Variants in COL11A2 observed in about 807,000 individuals in gnomAD.
COL11A2 encodes collagen alpha-2(XI) chain.
In COL11A2, 116 loss-of-function variants were observed where a neutral mutation model predicts 273.4. That is an observed-to-expected ratio of 0.42 (90% confidence interval 0.36 to 0.49). COL11A2 has a LOEUF of 0.49. COL11A2 is among the 20% of genes least tolerant of loss of function. The probability of loss-of-function intolerance (pLI) is 0.00; values close to 1 mark genes in which losing one functional copy is unlikely to be tolerated. For synonymous variants in COL11A2, 782 were observed against 864.2 expected, an observed-to-expected ratio of 0.90 and a Z score of 1.67; for missense variants, 1,866 against 2,309.0, an observed-to-expected ratio of 0.81 and a Z score of 3.93.
chr6:33,173,724 G>T lies in COL11A2; in HGVS notation c.2605C>A (p.Pro869Thr). 1 of 1,580,386 alleles carries T rather than the reference G, an allele frequency of 6.3e-7. No homozygotes were observed. The highest frequency in any genetic ancestry group is 8.6e-7 in the Non-Finnish European group (1 of 1,161,704). ...ACCCTCTCTCCAGGGGGCCCATGGGGGCCATCACCACCAGATGTTCCCTGT... is the reference window on the plus strand; with the variant it reads ...ACCCTCTCTCCAGGGGGCCCATGGGTGCCATCACCACCAGATGTTCCCTGT... Reference protein sequence around the residue: ...GAKGTSGGDGPHGPPGERGLP... With the variant: ...GAKGTSGGDGTHGPPGERGLP... The change falls in exon 35 of 66, where the codon CCC becomes ACC. Residue 869 changes from proline to threonine, a missense_variant. Pro to Thr is a conservative substitution (Grantham distance 38). Transcript: ENST00000341947. The surrounding 1 kb of genome is among the most constrained non-coding windows in gnomAD (Gnocchi z 6.3).
chr6:33,167,695 C>T lies in COL11A2; in HGVS notation c.4014+104G>A, dbSNP rs1240742204. On this transcript the variant is annotated intron_variant, in intron 55 of 65. Transcript: ENST00000341947. This position sits in a 1 kb window ranked among gnomAD's most constrained non-coding sequence, Gnocchi z 6.1. ...AGGGAACGCCTGTCCCCATAAGGGC[C>T]CAACATGGGAGAGGTGGAGATGGGG... 9.9e-6 allele frequency: 15 copies of T among 1,514,738 alleles called. No homozygotes were observed. Among genetic ancestry groups the T allele is most frequent in the African/African-American group, 1.4e-5 (1 of 73,104 alleles). 93.8% of individuals were successfully genotyped at this position (1,514,738 alleles called of 1,614,324 possible). A position where few individuals can be genotyped will look rare whatever the true frequency, so the allele number is the denominator to read the frequency against.
chr6:33,189,279 C>T lies in COL11A2; in HGVS notation c.232+41G>A. The T allele has an allele frequency of 1.9e-6, 3 of 1,614,042 alleles. No individual in the cohort carries two copies. The African/African-American group carries it at 4.0e-5, about 22-fold the overall frequency. ...TGGTGTCTGATCCTAGGCCCCATCCCATTACCTCCCCCCAGGCCTACCCCA... is the reference window on the plus strand; with the variant it reads ...TGGTGTCTGATCCTAGGCCCCATCCTATTACCTCCCCCCAGGCCTACCCCA... On this transcript the variant is annotated intron_variant, in intron 2 of 65. Transcript: ENST00000341947. This position sits in a 1 kb window ranked among gnomAD's most constrained non-coding sequence, Gnocchi z 5.6.
Position 33,188,441 on chromosome 6 carries a change from G to A in COL11A2, c.527C>T (p.Pro176Leu). The A allele has an allele frequency of 1.9e-6, 3 of 1,613,044 alleles. No individual in the cohort carries two copies. Among genetic ancestry groups the A allele is most frequent in the East Asian group, 2.2e-5 (1 of 44,882 alleles). Residue 176 changes from proline (P) to leucine (L), a missense_variant, in exon 4 of 66, where the codon CCC (proline) becomes CTC (leucine). Coordinates refer to ENST00000341947, the MANE Select transcript of COL11A2 (RefSeq NM_080680.3). ...GTCCAATACTGGACGAGCACTTCGG[G>A]GGAGAGGCCGGGTGACTCGCTTCTT... The part of the protein sequence containing the change: ...DCKKRVTRPL[P>L]RSARPVLDTH...
At chr6:33,168,794 CA>C in intron 52 of COL11A2, 35 bp from the exon 53 acceptor site, 1 of 1,598,290 alleles carries the variant, frequency 6.3e-7, no homozygotes, top group Non-Finnish European at 8.5e-7. Context: ...GGTGGGCCCC[CA>C]ACCTGGCTGG....
rs1210785282 is a variant in COL11A2 at position 33,185,898 on chromosome 6, A to G, written c.799-120T>C. On this transcript the variant is annotated intron_variant, in intron 5 of 65. Coordinates refer to ENST00000341947, the MANE Select transcript of COL11A2 (RefSeq NM_080680.3). ...GAGTTGGGAAACGGGGGAGGTGTGG[A>G]GTTGGGAAACAGAGAGTTGAAGATG... 5 of 415,566 alleles carry G rather than the reference A, an allele frequency of 1.2e-5. No homozygotes were observed. In the Admixed American group the frequency reaches 1.3e-4, roughly 11 times the overall value. 25.7% of individuals were successfully genotyped at this position (415,566 alleles called of 1,614,324 possible).
rs748411665 is a variant in COL11A2, at chr6:33,165,358, C to T, written c.4750+191G>A. 9.2e-5 allele frequency among the ~76,000 whole-genome samples: 14 copies of T among 152,186 alleles called. No homozygotes were observed. The highest frequency in any genetic ancestry group is 1.9e-4 in the Non-Finnish European group (13 of 68,016). On this transcript the variant is annotated intron_variant, in intron 63 of 65. Transcript: ENST00000341947. The surrounding 1 kb of genome is among the most constrained non-coding windows in gnomAD (Gnocchi z 7.7). ...ACACTGGGCTGATAACCAACTGGTA[C>T]ACACTGACCCAGATCAGTTGCTAAA... is the stretch of plus-strand genomic sequence containing the variant.
rs201981435 is a variant in COL11A2 at position 33,180,965 on chromosome 6, G to A, written c.1220C>T (p.Ala407Val). The change falls in exon 10 of 66, where the codon GCG becomes GTG. Residue 407 changes from alanine (A) to valine (V), a missense_variant and splice_region_variant. Coordinates refer to ENST00000341947, the MANE Select transcript of COL11A2 (RefSeq NM_080680.3). ...CCACCAGGTCACTGCTAGACTTACCGCAGGGCCTTCTGGGCCAGGGGGCCC... is the reference window on the plus strand; with the variant it reads ...CCACCAGGTCACTGCTAGACTTACCACAGGGCCTTCTGGGCCAGGGGGCCC... ...VEGPPGPEGP[A>V]GLIGPPGIQG... 91 of 1,613,848 alleles carry A rather than the reference G, an allele frequency of 5.6e-5. No homozygotes were observed. The highest frequency in any genetic ancestry group is 3.1e-4 in the African/African-American group (23 of 74,916).
chr6:33,184,967 G>A (rs1408827964), intron 7 of COL11A2, 25 bp downstream of exon 7: 1 of 1,546,662 alleles, frequency 6.5e-7, no homozygotes, highest in Non-Finnish European at 8.8e-7. Context: ...CCCCCAGATG[G>A]GGTGAGGGTG....
At position 33,177,978 on chromosome 6, in the gene COL11A2, C is replaced by T; in HGVS notation, c.1872+154G>A. 1 of 893,066 alleles carries T rather than the reference C, an allele frequency of 1.1e-6. No homozygotes were observed. The highest frequency in any genetic ancestry group is 1.7e-6 in the Non-Finnish European group (1 of 572,878). 55.3% of individuals were successfully genotyped at this position (893,066 alleles called of 1,614,324 possible). ...CCTCCCTGTGCACGGGGAGCGAATG[C>T]TGAGGCAGGGCAGTGTGGGGCCAGA... On this transcript the variant is annotated intron_variant, in intron 21 of 65. Coordinates refer to ENST00000341947, the MANE Select transcript of COL11A2 (RefSeq NM_080680.3). The surrounding 1 kb of genome is among the most constrained non-coding windows in gnomAD (Gnocchi z 5.9).
In COL11A2 at chr6:33,166,657, ACTCCACCCCT is replaced by A; in HGVS notation, c.4338+53_4338+62del. The A allele has an allele frequency of 6.2e-7, 1 of 1,610,318 alleles. No individual in the cohort carries two copies. The highest frequency in any genetic ancestry group is 8.5e-7 in the Non-Finnish European group (1 of 1,177,494). On this transcript the variant is annotated intron_variant, in intron 59 of 65. Transcript: ENST00000341947. This position sits in a 1 kb window ranked among gnomAD's most constrained non-coding sequence, Gnocchi z 4.8. ...TACCCACAGCTGAGTCCCAACTCCA[ACTCCACCCCT>A]CTCCACCCCACTCTCAACCCCCACA...
At position 33,179,424 on chromosome 6, in the gene COL11A2, C is replaced by T; in HGVS notation, c.1503+7G>A. The T allele has an allele frequency of 6.4e-7, 1 of 1,569,722 alleles. No homozygotes were observed. The highest frequency in any genetic ancestry group is 8.6e-7 in the Non-Finnish European group (1 of 1,157,550). ...GCATCCTCCACCCGAGCACCCTGCT[C>T]ACTCACCAAGGGTCCAGGGCGCCCT... On this transcript the variant is annotated splice_region_variant and intron_variant, in intron 14 of 65. Coordinates refer to ENST00000341947, the MANE Select transcript of COL11A2 (RefSeq NM_080680.3). The surrounding 1 kb of genome is among the most constrained non-coding windows in gnomAD (Gnocchi z 6.4).
Position 33,176,392 on chromosome 6 carries a change from C to T in COL11A2, c.2169+41G>A. ...GCTCCTAAGACCCCATATAGCTCCC[C>T]TGACCACAGCCCTTTGTCTCCCAGC... On this transcript the variant is annotated intron_variant, in intron 27 of 65. Coordinates refer to ENST00000341947, the MANE Select transcript of COL11A2 (RefSeq NM_080680.3). The surrounding 1 kb of genome is among the most constrained non-coding windows in gnomAD (Gnocchi z 4.9). 1 of 1,609,248 alleles carries T rather than the reference C, an allele frequency of 6.2e-7. No homozygotes were observed. The highest frequency in any genetic ancestry group is 1.1e-5 in the South Asian group (1 of 90,416).
Position 33,164,753 on chromosome 6 carries a change from G to A in COL11A2, c.4863+99C>T, listed in dbSNP as rs1374107433. Reference sequence around the variant, plus strand: ...AGAAGGGGTGGCAGGCTCCGGGGGGGGCAACAGCCAGGGGACTGTCACCAA... The same window carrying A: ...AGAAGGGGTGGCAGGCTCCGGGGGGAGCAACAGCCAGGGGACTGTCACCAA... On this transcript the variant is annotated intron_variant, in intron 64 of 65. Transcript: ENST00000341947. The surrounding 1 kb of genome is among the most constrained non-coding windows in gnomAD (Gnocchi z 4.7). 3 of 1,054,014 alleles carry A rather than the reference G, an allele frequency of 2.8e-6. No individual in the cohort carries two copies. Among genetic ancestry groups the A allele is most frequent in the South Asian group, 1.4e-5 (1 of 71,994 alleles). 65.3% of individuals were successfully genotyped at this position (1,054,014 alleles called of 1,614,324 possible). A position where few individuals can be genotyped will look rare whatever the true frequency, so the allele number is the denominator to read the frequency against.
In COL11A2 at chr6:33,177,908, T is replaced by C; in HGVS notation, c.1873-202A>G. On this transcript the variant is annotated intron_variant, in intron 21 of 65. Coordinates refer to ENST00000341947, the MANE Select transcript of COL11A2 (RefSeq NM_080680.3). The surrounding 1 kb of genome is among the most constrained non-coding windows in gnomAD (Gnocchi z 5.9). ...GCTTTGGTTTTGTTTTTCTTGAAGA[T>C]TTATTTCCTATGCCCAGAGCCCTCA... 1.3e-6 allele frequency: 1 copy of C among 771,020 alleles called. No homozygotes were observed. The highest frequency in any genetic ancestry group is 1.7e-5 in the South Asian group (1 of 58,672). The allele number at this position is 771,020 out of a possible 1,614,324, so 47.8% of individuals were successfully genotyped here. A position where few individuals can be genotyped will look rare whatever the true frequency, so the allele number is the denominator to read the frequency against.
At chr6:33,172,747 G>T in intron 38 of COL11A2, 110 bp from the exon 39 acceptor site, 1 of 971,424 alleles carries the variant, frequency 1.0e-6, no homozygotes. Context: ...CTTTATCCCT[G>T]CCCCAAAGCT....
intron 5 of COL11A2, 88 bp downstream of exon 5, chr6:33,186,539 G>A: frequency 6.2e-7 from 1 of 1,608,914 alleles, no homozygotes. Flanking sequence ...GGAGATGAGG[G>A]TGGGGAGGAC....
rs1773234778 is a variant in COL11A2, at chr6:33,192,333, G to A, written c.-93C>T. 3 of 1,264,008 alleles carry A rather than the reference G, an allele frequency of 2.4e-6. No individual in the cohort carries two copies. The highest frequency in any genetic ancestry group is 3.4e-6 in the Non-Finnish European group (3 of 894,244). 78.3% of individuals were successfully genotyped at this position (1,264,008 alleles called of 1,614,324 possible). On this transcript the variant is annotated 5_prime_UTR_variant, in exon 1 of 66. Coordinates refer to ENST00000341947, the MANE Select transcript of COL11A2 (RefSeq NM_080680.3). Reference sequence around the variant, plus strand: ...TGACAGAAGACAGGGAGCAGACTATGAGCCTCAGACGCCGGGGTCCCAGGG... The same window carrying A: ...TGACAGAAGACAGGGAGCAGACTATAAGCCTCAGACGCCGGGGTCCCAGGG...
rs138100471 is a variant in COL11A2, at chr6:33,164,809, G to A, written c.4863+43C>T. On this transcript the variant is annotated intron_variant, in intron 64 of 65. Coordinates refer to ENST00000341947, the MANE Select transcript of COL11A2 (RefSeq NM_080680.3). The surrounding 1 kb of genome is among the most constrained non-coding windows in gnomAD (Gnocchi z 4.7). The stretch of plus-strand genomic sequence containing the variant: ...AGAAACCACTAAGCCCTGAGGGGGT[G>A]CACTATGGGGCAGGGGAGGGGCAGC... 5.5e-5 allele frequency: 83 copies of A among 1,502,518 alleles called. No individual in the cohort carries two copies. Among genetic ancestry groups the A allele is most frequent in the Non-Finnish European group, 7.0e-5 (77 of 1,104,476 alleles). 93.1% of individuals were successfully genotyped at this position (1,502,518 alleles called of 1,614,324 possible).
At chr6:33,185,190 T>A in intron 6 of COL11A2, 136 bp from the exon 7 acceptor site, 1 of 718,336 alleles carries the variant, frequency 1.4e-6, no homozygotes, top group South Asian at 1.5e-5. Context: ...AAATCTCAGA[T>A]CTTGCAGCCC....
Sources: allele counts gnomAD v4.1 joint callset (sites outside exome capture counted in the v4.1 genomes callset), GRCh38; gene constraint gnomAD v4.1.1; non-coding constraint Gnocchi (gnomAD v3.1); transcripts MANE v1.5; gene names NCBI Gene and HGNC (gene_info 2026-07-23, HGNC 2026-07-21).